BBS9: variants seen among roughly 807,000 people sequenced by gnomAD.
The protein encoded by BBS9 is Bardet-Biedl syndrome 9, also known as protein PTHB1.
BBS9 carries 89 observed loss-of-function variants against 117.7 expected under a neutral mutation model. That is an observed-to-expected ratio of 0.76 (90% CI 0.64 to 0.90). The LOEUF is 0.90. Ranked by LOEUF, BBS9 falls within the 40% of genes least tolerant of loss-of-function variation. The pLI is 0.00. For missense variants in BBS9, 982 were observed against 1,042.2 expected, an observed-to-expected ratio of 0.94 and a Z score of 0.80; for synonymous variants, 379 against 370.9, an observed-to-expected ratio of 1.02 and a Z score of -0.25.
At chr7:33,324,794 C>G (rs1812511483) in intron 9 of BBS9, among the ~76,000 whole-genome samples, 2 of 152,048 alleles carry the variant, frequency 1.3e-5, no homozygotes, top group Admixed American at 1.3e-4. Context: ...TTAAATATAT[C>G]ATGCTACTCT....
At chr7:33,577,338 A>G (rs1037601678) in intron 21 of BBS9, among the ~76,000 whole-genome samples, 3 of 152,246 alleles carry the variant, frequency 2.0e-5, no homozygotes, top group African/African-American at 7.2e-5. Flanking sequence ...AATGCAAATC[A>G]AAACCACAAT....
At chr7:33,525,203 G>A (rs1296406470) in intron 20 of BBS9, among the ~76,000 whole-genome samples, 1 of 151,684 alleles carries the variant, frequency 6.6e-6, no homozygotes, top group African/African-American at 2.4e-5. Flanking sequence ...GTGGTGTGGT[G>A]CTGAAAAAAA....
chr7:33,201,186 A>G (rs1372302523), intron 5 of BBS9, among the ~76,000 whole-genome samples: 2 of 152,096 alleles, frequency 1.3e-5, no homozygotes, highest in East Asian at 3.9e-4. Flanking sequence ...GTTGACTATC[A>G]GGATGAAGAC....
intron 9 of BBS9, among the ~76,000 whole-genome samples, chr7:33,304,673 C>T (rs1044821113): frequency 2.0e-5 from 3 of 152,028 alleles, no homozygotes; most frequent in African/African-American, 4.8e-5. Flanking sequence ...GCCATGATGA[C>T]GATGGCGGTT....
chr7:33,513,092 A>G (rs1194833698), intron 20 of BBS9, among the ~76,000 whole-genome samples: 1 of 151,962 alleles, frequency 6.6e-6, no homozygotes, highest in Non-Finnish European at 1.5e-5. Context: ...TGGCTCTACC[A>G]TATCTCATTT....
At chr7:33,270,119 C>T (rs1207043358) in intron 7 of BBS9, among the ~76,000 whole-genome samples, 1 of 151,964 alleles carries the variant, frequency 6.6e-6, no homozygotes, top group African/African-American at 2.4e-5. Context: ...ACATACCCCA[C>T]TTTGAAACCA....
At chr7:33,459,951 T>C (rs75104585) in intron 19 of BBS9, among the ~76,000 whole-genome samples, 5,312 of 152,266 alleles carry the variant, frequency 0.035, 178 homozygotes, top group African/African-American at 0.086. Flanking sequence ...AATGAATCTT[T>C]ATAAGTTAAA....
intron 19 of BBS9, among the ~76,000 whole-genome samples, chr7:33,435,736 A>G (rs1835210817): frequency 1.3e-5 from 2 of 152,202 alleles, no homozygotes; most frequent in African/African-American, 4.8e-5. Context: ...ATAGCAGTGC[A>G]TATTTTATGG....
chr7:33,264,463 T>TA (rs1264477039), intron 7 of BBS9, 89 bp downstream of exon 7: 41 of 784,120 alleles, frequency 5.2e-5, no homozygotes, highest in Non-Finnish European at 7.3e-5. Flanking sequence ...GAAGAAAATG[T>TA]AAAAAAATAT....
chr7:33,159,526 A>G (rs1439810024), intron 4 of BBS9, among the ~76,000 whole-genome samples: 1 of 152,206 alleles, frequency 6.6e-6, no homozygotes, highest in Admixed American at 6.5e-5. Flanking sequence ...GTTGGGACCT[A>G]GTGCATGAGT....
chr7:33,597,398 T>G (rs1863028335), intron 21 of BBS9, among the ~76,000 whole-genome samples: 1 of 152,162 alleles, frequency 6.6e-6, no homozygotes. Flanking sequence ...GAACAAGGTC[T>G]GTGGTCATTT....
chr7:33,435,658 G>A (rs1835195286), intron 19 of BBS9, among the ~76,000 whole-genome samples: 1 of 152,138 alleles, frequency 6.6e-6, no homozygotes, highest in African/African-American at 2.4e-5. Context: ...AATATCCTGT[G>A]TTTGCAACTG....
chr7:33,467,033 T>TCTC (rs1584930324), intron 19 of BBS9, among the ~76,000 whole-genome samples: 65 of 67,426 alleles, frequency 9.6e-4, no homozygotes, highest in East Asian at 9.0e-4. Flanking sequence ...CTCTCTCTCT[T>TCTC]ATGACAACCA....
chr7:33,488,738 A>T (rs1047186939), intron 19 of BBS9, among the ~76,000 whole-genome samples: 1 of 152,198 alleles, frequency 6.6e-6, no homozygotes, highest in African/African-American at 2.4e-5. Context: ...AAATGACCAT[A>T]GTGTGATATA....
intron 1 of BBS9, among the ~76,000 whole-genome samples, chr7:33,143,843 G>A (rs1791918168): frequency 7.9e-6 from 1 of 126,524 alleles, no homozygotes. Flanking sequence ...GGGATTACAA[G>A]TATGAGCCAC....
At chr7:33,567,592 T>G (rs1308589838) in intron 21 of BBS9, among the ~76,000 whole-genome samples, 1 of 152,122 alleles carries the variant, frequency 6.6e-6, no homozygotes, top group Non-Finnish European at 1.5e-5. Context: ...TCCTTGGCTC[T>G]TCTCATTTAC....
chr7:33,189,676 A>G (rs1287638669), intron 5 of BBS9, among the ~76,000 whole-genome samples: 1 of 151,678 alleles, frequency 6.6e-6, no homozygotes, highest in African/African-American at 2.4e-5. Flanking sequence ...TCACGAGGTC[A>G]GGAGATCAAG....
chr7:33,574,719 ACACACACGCG>A (rs1381746567), intron 21 of BBS9, among the ~76,000 whole-genome samples: 7 of 147,706 alleles, frequency 4.7e-5, no homozygotes, highest in East Asian at 2.0e-4. Context: ...ACACACACAC[ACACACACGCG>A]CACACACACA....
chr7:33,332,115 A>C (rs566517256), intron 9 of BBS9, among the ~76,000 whole-genome samples: 1 of 152,286 alleles, frequency 6.6e-6, no homozygotes, highest in Admixed American at 6.5e-5. Context: ...ACATAGACCA[A>C]TGGAACAGGA....
Sources: gnomAD v4.1 joint callset for allele counts (sites outside exome capture counted in the v4.1 genomes callset) on GRCh38, gnomAD v4.1.1 for gene constraint, MANE v1.5 for transcripts, NCBI Gene and HGNC (gene_info 2026-07-23, HGNC 2026-07-21) for gene names.